CCDC149: variants seen among roughly 807,000 people sequenced by gnomAD.
CCDC149 encodes coiled-coil domain containing 149, also known as coiled-coil domain-containing protein 149.
CCDC149 carries 45 observed loss-of-function variants against 59.9 expected under a neutral mutation model. That is an observed-to-expected ratio of 0.75 (90% CI 0.59 to 0.96). The LOEUF (loss-of-function observed/expected upper bound fraction) is 0.96. CCDC149 is among the 40% of genes least tolerant of loss of function. CCDC149 has a pLI of 0.00. For missense variants in CCDC149, 584 were observed against 664.7 expected, an observed-to-expected ratio of 0.88 and a Z score of 1.33; for synonymous variants, 245 against 260.6, an observed-to-expected ratio of 0.94 and a Z score of 0.58.
intron 3 of CCDC149, among the ~76,000 whole-genome samples, chr4:24,856,540 T>C (rs1014107687): frequency 1.3e-5 from 2 of 152,182 alleles, no homozygotes; most frequent in Non-Finnish European, 2.9e-5. Flanking sequence ...CTTGTAGATA[T>C]CTTGGAGAAA....
chr4:24,930,349 AC>A (rs1422720806), intron 1 of CCDC149, among the ~76,000 whole-genome samples: 2 of 152,138 alleles, frequency 1.3e-5, no homozygotes, highest in African/African-American at 4.8e-5. Context: ...ATTCAGAAGC[AC>A]CATTTTGGGA....
At chr4:24,934,653 T>C (rs1275850657) in intron 1 of CCDC149, among the ~76,000 whole-genome samples, 2 of 152,186 alleles carry the variant, frequency 1.3e-5, no homozygotes, top group Non-Finnish European at 2.9e-5. Context: ...TGTTAGATAT[T>C]GTAATCTCAG....
Position 24,819,937 on chromosome 4 carries a change from G to A in CCDC149, c.1114C>T (p.Pro372Ser), listed in dbSNP as rs1715269967. ...GGGGATCTCGACCTCTGTCCACTAG[G>A]AAGAGTGGGGTCGCTGAACAGTATG... Residue 372 changes from proline (P) to serine (S), a missense_variant, in exon 12 of 13, where the codon CCT (proline) becomes TCT (serine). Physicochemically the swap from Pro to Ser is moderately conservative, Grantham distance 74. Coordinates refer to ENST00000635206, the MANE Select transcript of CCDC149 (RefSeq NM_001330643.2). 1 of 1,551,324 alleles carries A rather than the reference G, an allele frequency of 6.4e-7. No individual in the cohort carries two copies. The highest frequency in any genetic ancestry group is 2.0e-5 in the Admixed American group (1 of 50,944).
intron 1 of CCDC149, among the ~76,000 whole-genome samples, chr4:24,877,620 G>A (rs1222353849): frequency 6.6e-6 from 1 of 152,144 alleles, no homozygotes. Flanking sequence ...CCACTAACAT[G>A]GCCCTGATGC....
chr4:24,972,304 T>TTTCTC (rs1446639474), intron 1 of CCDC149, among the ~76,000 whole-genome samples: 47 of 151,316 alleles, frequency 3.1e-4, no homozygotes, highest in African/African-American at 1.1e-3. Context: ...TTTCTTTTCT[T>TTTCTC]TTCTTTTCTT....
intron 7 of CCDC149, 60 bp from the exon 8 acceptor site, chr4:24,835,092 C>T: frequency 6.9e-6 from 8 of 1,151,468 alleles, no homozygotes; most frequent in Non-Finnish European, 9.1e-6. Flanking sequence ...GGAAAAGTAC[C>T]TAGCAGATGC....
intron 1 of CCDC149, among the ~76,000 whole-genome samples, chr4:24,955,897 A>G (rs1166009062): frequency 6.6e-6 from 1 of 152,230 alleles, no homozygotes; most frequent in Non-Finnish European, 1.5e-5. Flanking sequence ...GTTTTACCAC[A>G]ATAAAAAGTT....
chr4:24,956,873 C>T (rs1723481679), intron 1 of CCDC149, among the ~76,000 whole-genome samples: 2 of 152,244 alleles, frequency 1.3e-5, no homozygotes, highest in Admixed American at 1.3e-4. Context: ...AATTTATCAG[C>T]TGACCTGAGG....
chr4:24,939,504 GAACGCAGCTCCTCACCAGC>G (rs1429627703), intron 1 of CCDC149, among the ~76,000 whole-genome samples: 1 of 152,178 alleles, frequency 6.6e-6, no homozygotes, highest in Non-Finnish European at 1.5e-5. Flanking sequence ...TCCTCCAAAG[GAACGCAGCTCCTCACCAGC>G]AACGGAACAA....
chr4:24,853,077 T>C lies in CCDC149; in HGVS notation c.367A>G (p.Asn123Asp), dbSNP rs756526969. Reference sequence around the variant, plus strand: ...CCTGTAAATACTCACAGTACCTTGTTGTCGCCCTGGACTTCTCCAAGCCTT... The same window carrying C: ...CCTGTAAATACTCACAGTACCTTGTCGTCGCCCTGGACTTCTCCAAGCCTT... Residue 123 changes from asparagine to aspartate, a missense_variant, in exon 4 of 13, where the codon AAC becomes GAC. Physicochemically the swap from Asn to Asp is conservative, Grantham distance 23. Transcript: ENST00000635206. 6.2e-7 allele frequency: 1 copy of C among 1,605,522 alleles called. No homozygotes were observed. Among genetic ancestry groups the C allele is most frequent in the Non-Finnish European group, 8.5e-7 (1 of 1,172,242 alleles).
intron 4 of CCDC149, among the ~76,000 whole-genome samples, chr4:24,838,617 C>T (rs1577397448): frequency 1.3e-5 from 2 of 152,130 alleles, no homozygotes; most frequent in East Asian, 1.9e-4. Flanking sequence ...TGGGAACTCT[C>T]CCACACTCGT....
chr4:24,824,506 A>G (rs543665050), intron 9 of CCDC149, among the ~76,000 whole-genome samples: 11 of 152,214 alleles, frequency 7.2e-5, no homozygotes, highest in Admixed American at 1.3e-4. Flanking sequence ...GTGTTATCTC[A>G]TCTAACTTGG....
chr4:24,888,769 G>A (rs563619594), intron 1 of CCDC149, among the ~76,000 whole-genome samples: 1 of 152,202 alleles, frequency 6.6e-6, no homozygotes, highest in South Asian at 2.1e-4. Flanking sequence ...TCCTGCCCAC[G>A]CCTATAGTCC....
intron 1 of CCDC149, chr4:24,895,002 C>G: frequency 6.5e-7 from 1 of 1,536,224 alleles, no homozygotes. Flanking sequence ...CTCAGAATCC[C>G]AAGTGGCCGC....
At chr4:24,901,705 C>T (rs1721183281) in intron 1 of CCDC149, among the ~76,000 whole-genome samples, 1 of 152,164 alleles carries the variant, frequency 6.6e-6, no homozygotes. Context: ...CCAGGAAACT[C>T]TGAATGATGC....
intron 12 of CCDC149, among the ~76,000 whole-genome samples, chr4:24,813,794 T>C (rs1048559478): frequency 6.6e-6 from 1 of 152,086 alleles, no homozygotes; most frequent in Non-Finnish European, 1.5e-5. Context: ...TGGTAAAAAC[T>C]CTGAGAAGCT....
At chr4:24,955,379 A>T (rs1381466397) in intron 1 of CCDC149, among the ~76,000 whole-genome samples, 1 of 152,160 alleles carries the variant, frequency 6.6e-6, no homozygotes, top group Non-Finnish European at 1.5e-5. Flanking sequence ...CTTCTTGTAG[A>T]CCCTAACTCT....
intron 9 of CCDC149, among the ~76,000 whole-genome samples, chr4:24,823,911 C>T (rs919848248): frequency 7.2e-5 from 11 of 152,104 alleles, no homozygotes; most frequent in African/African-American, 2.2e-4. Flanking sequence ...CTTTCATGTC[C>T]CTGACCCTTC....
chr4:24,912,757 G>A, intron 1 of CCDC149, 60 bp downstream of exon 1: 1 of 1,155,578 alleles, frequency 8.7e-7, no homozygotes, highest in Non-Finnish European at 1.1e-6. Flanking sequence ...GGGGGCGCGG[G>A]CCCGGGGCTG....
Sources: gnomAD v4.1 joint callset for allele counts (sites outside exome capture counted in the v4.1 genomes callset) on GRCh38, gnomAD v4.1.1 for gene constraint, MANE v1.5 for transcripts, NCBI Gene and HGNC (gene_info 2026-07-23, HGNC 2026-07-21) for gene names.